The following CACNA1A variants were observed in gnomAD, a reference collection of about 807,000 sequenced individuals.
CACNA1A encodes the protein calcium voltage-gated channel subunit alpha1 A.
Under a neutral mutation model 262.4 loss-of-function variants are expected in CACNA1A, and 57 were observed. The observed-to-expected ratio is 0.22, with a 90% CI of 0.18 to 0.27. The LOEUF (loss-of-function observed/expected upper bound fraction) is 0.27, where lower values mean the gene tolerates loss of function less well. Ranked by LOEUF, CACNA1A falls within the 10% of genes least tolerant of loss-of-function variation. The probability of loss-of-function intolerance (pLI) is 1.00; values close to 1 mark genes in which losing one functional copy is unlikely to be tolerated. For missense variants in CACNA1A, 2,526 were observed against 3,562.8 expected, an observed-to-expected ratio of 0.71 and a Z score of 7.41; for synonymous variants, 1,431 against 1,419.3, an observed-to-expected ratio of 1.01 and a Z score of -0.18.
At chr19:13,393,309 C>T (rs1370038447) in intron 3 of CACNA1A, among the ~76,000 whole-genome samples, 1 of 152,206 alleles carries the variant, frequency 6.6e-6, no homozygotes, top group African/African-American at 2.4e-5. Context: ...TGAACAGCAA[C>T]AGCACAGATG....
At chr19:13,372,904 T>C (rs1254483981) in intron 3 of CACNA1A, among the ~76,000 whole-genome samples, 1 of 152,132 alleles carries the variant, frequency 6.6e-6, no homozygotes, top group Non-Finnish European at 1.5e-5. Context: ...GAGGCTTCCA[T>C]AGAAACCCTC....
chr19:13,356,540 T>C (rs2059010080), intron 6 of CACNA1A, among the ~76,000 whole-genome samples: 1 of 152,202 alleles, frequency 6.6e-6, no homozygotes, highest in Non-Finnish European at 1.5e-5. Context: ...ATGATGTTTA[T>C]AACCGAGCCC....
chr19:13,354,113 C>T (rs1341506774), intron 6 of CACNA1A, among the ~76,000 whole-genome samples: 2 of 152,178 alleles, frequency 1.3e-5, no homozygotes, highest in Non-Finnish European at 2.9e-5. Context: ...TAAATGATTA[C>T]TGGATAACTG....
intron 1 of CACNA1A, among the ~76,000 whole-genome samples, chr19:13,461,031 T>C (rs554249270): frequency 1.2e-3 from 184 of 152,200 alleles, no homozygotes; most frequent in African/African-American, 4.3e-3. Context: ...CTCTATATAG[T>C]AGATGCTCAA....
rs56778542 is a variant in CACNA1A, at chr19:13,379,922, CAAAAAAAAAA to C, written c.540-8153_540-8144del. Reference sequence around the variant, plus strand: ...CTGGTGACAGAGCAAGATGCCGTCTCAAAAAAAAAAAAAAAAAAAAAAAGTGTTTAGACCA... The same window carrying C: ...CTGGTGACAGAGCAAGATGCCGTCTCAAAAAAAAAAAAAGTGTTTAGACCA... On this transcript the variant is annotated intron_variant, in intron 3 of 46. Coordinates refer to ENST00000360228, the MANE Select transcript of CACNA1A (RefSeq NM_001127222.2). Among the ~76,000 whole-genome samples, 15 of 30,376 alleles carry C rather than the reference CAAAAAAAAAA, an allele frequency of 4.9e-4. No homozygotes were observed. The East Asian group carries it at 1.0e-2, about 20-fold the overall frequency. The allele number at this position is 30,376 out of a possible 152,430, so 19.9% of individuals were successfully genotyped here.
chr19:13,231,643 C>A, intron 35 of CACNA1A, 67 bp downstream of exon 35: 1 of 1,502,616 alleles, frequency 6.7e-7, no homozygotes, highest in Non-Finnish European at 9.1e-7. Context: ...TCCACAGAAA[C>A]CCACTCCCCT....
At chr19:13,437,861 A>C (rs2060641048) in intron 3 of CACNA1A, among the ~76,000 whole-genome samples, 1 of 152,050 alleles carries the variant, frequency 6.6e-6, no homozygotes, top group Non-Finnish European at 1.5e-5. Context: ...AGTGGGTAAC[A>C]TTTCAACAAA....
At position 13,250,590 on chromosome 19, in the gene CACNA1A, G is replaced by A. The variant is rs916167039; in HGVS notation, c.4866+2401C>T. ...TTTTGTACTTTTTAGTAGAGATGGG[G>A]TTTCACCATGTTGGCAAGGGTGGTC... On this transcript the variant is annotated intron_variant, in intron 30 of 46. Coordinates refer to ENST00000360228, the MANE Select transcript of CACNA1A (RefSeq NM_001127222.2). 2.0e-5 allele frequency among the ~76,000 whole-genome samples: 3 copies of A among 151,946 alleles called. No homozygotes were observed. The South Asian group carries it at 6.2e-4, about 32-fold the overall frequency.
intron 44 of CACNA1A, among the ~76,000 whole-genome samples, chr19:13,209,802 G>A (rs1310023039): frequency 6.6e-6 from 1 of 152,190 alleles, no homozygotes; most frequent in Non-Finnish European, 1.5e-5. Flanking sequence ...CCAGTCCTGG[G>A]GGCCCAGCCA....
chr19:13,499,904 C>T lies in CACNA1A; in HGVS notation c.293+6028G>A, dbSNP rs571349567. ...CATTTCTGGATGGAGTCCACCTTCC[C>T]GGCGGTGCTTTTTATTGCTGAGAAA... On this transcript the variant is annotated intron_variant, in intron 1 of 46. Transcript: ENST00000360228. Among the ~76,000 whole-genome samples the T allele has an allele frequency of 3.9e-5, 6 of 152,042 alleles. No individual in the cohort carries two copies. The East Asian group carries it at 5.8e-4, about 15-fold the overall frequency.
intron 11 of CACNA1A, chr19:13,316,901 A>G: frequency 2.3e-6 from 1 of 437,388 alleles, no homozygotes; most frequent in Non-Finnish European, 4.1e-6. Context: ...TCTGAATTCC[A>G]GCTTCCAGCT....
At chr19:13,271,910 C>T (rs904924723) in intron 24 of CACNA1A, 2 of 152,074 alleles carry the variant, frequency 1.3e-5, no homozygotes, top group East Asian at 1.9e-4. Flanking sequence ...ATTACAGGCG[C>T]CTGCTATCAC....
In CACNA1A at chr19:13,259,340, TTTG is replaced by T. The variant is rs1349895908; in HGVS notation, c.4388+221_4388+223del. On this transcript the variant is annotated intron_variant, in intron 27 of 46. Transcript: ENST00000360228. ...TTTTTTTTTTTTTTTTTTTTTTTTT[TTTG>T]GGATTTTTAGTAGAAATGGAGTTTT... The T allele has an allele frequency of 4.3e-5, 5 of 116,364 alleles. 2 individuals carry two copies. Among genetic ancestry groups the T allele is most frequent in the Admixed American group, 1.8e-4 (2 of 11,244 alleles). The allele number at this position is 116,364 out of a possible 1,614,324, so 7.2% of individuals were successfully genotyped here. A position where few individuals can be genotyped will look rare whatever the true frequency, so the allele number is the denominator to read the frequency against.
At chr19:13,302,303 T>A (rs1193098190) in intron 17 of CACNA1A, among the ~76,000 whole-genome samples, 1 of 152,212 alleles carries the variant, frequency 6.6e-6, no homozygotes, top group Non-Finnish European at 1.5e-5. Flanking sequence ...TTGTTTCTTG[T>A]CTGTCTCCCC....
chr19:13,289,413 C>T (rs2057483062), intron 19 of CACNA1A, among the ~76,000 whole-genome samples: 1 of 152,196 alleles, frequency 6.6e-6, no homozygotes, highest in African/African-American at 2.4e-5. Context: ...TCCCAAAATG[C>T]TGGGATTATA....
intron 24 of CACNA1A, among the ~76,000 whole-genome samples, chr19:13,268,027 C>T (rs966933540): frequency 3.9e-5 from 6 of 152,102 alleles, no homozygotes; most frequent in Middle Eastern, 3.4e-3. Context: ...CCTCCCAGAG[C>T]GCTGGGATTA....
intron 24 of CACNA1A, among the ~76,000 whole-genome samples, chr19:13,267,132 GAGAGAGAGAGAGAGAA>G (rs774518708): frequency 1.7e-4 from 25 of 150,462 alleles, no homozygotes; most frequent in African/African-American, 2.5e-4. Context: ...CAGAATATGA[GAGAGAGAGAGAGAGAA>G]AGAGAGAGAG....
intron 24 of CACNA1A, among the ~76,000 whole-genome samples, chr19:13,266,966 A>G (rs967562594): frequency 1.3e-5 from 2 of 152,202 alleles, no homozygotes; most frequent in African/African-American, 4.8e-5. Context: ...CTGGTGGGGC[A>G]TGGGCGGAGG....
rs770525318 is a variant in CACNA1A at position 13,286,645 on chromosome 19, G to C, written c.3411C>G (p.Pro1137=). The part of the protein sequence containing the change: ...NPGNPSNPGP[P]KTPENSLIVT... ...CGATAAGGCTATTCTCGGGGGTCTT[G>C]GGGGGGCCGGGATTGGATGGGTTCC... is the stretch of plus-strand genomic sequence containing the variant. Residue 1137 remains proline (P), a synonymous_variant, in exon 20 of 47, where the codon CCC becomes CCG. Coordinates refer to ENST00000360228, the MANE Select transcript of CACNA1A (RefSeq NM_001127222.2). 27 of 1,541,298 alleles carry C rather than the reference G, an allele frequency of 1.8e-5. No individual in the cohort carries two copies. Among genetic ancestry groups the C allele is most frequent in the Non-Finnish European group, 2.3e-5 (26 of 1,143,868 alleles).
Sources: allele counts gnomAD v4.1 joint callset (sites outside exome capture counted in the v4.1 genomes callset), GRCh38; gene constraint gnomAD v4.1.1; transcripts MANE v1.5; gene names NCBI Gene and HGNC (gene_info 2026-07-23, HGNC 2026-07-21).